The following GMDS variants were observed in gnomAD, a reference collection of about 807,000 sequenced individuals.
GMDS encodes the protein GDP-mannose 4,6-dehydratase, also known as GDP-mannose 4,6 dehydratase.
A neutral mutation model predicts 49.9 loss-of-function variants in GMDS; 20 were observed. That is an observed-to-expected ratio of 0.40 (90% CI 0.28 to 0.58). The LOEUF (loss-of-function observed/expected upper bound fraction) is 0.58, where lower values mean the gene tolerates loss of function less well. Among genes scored for constraint, GMDS ranks in the 20% least tolerant of loss-of-function variants. GMDS has a pLI of 0.42. For missense variants in GMDS, 362 were observed against 481.4 expected (o/e 0.75, Z 2.32); for synonymous variants, 177 against 178.6 (o/e 0.99, Z 0.07).
chr6:1,644,803 T>A (rs1295506664), intron 9 of GMDS, among the ~76,000 whole-genome samples: 1 of 152,192 alleles, frequency 6.6e-6, no homozygotes, highest in African/African-American at 2.4e-5. Flanking sequence ...CTCTGACAGC[T>A]TTGGCTCTCA....
intron 7 of GMDS, among the ~76,000 whole-genome samples, chr6:1,857,004 CAT>C (rs1308169792): frequency 6.6e-6 from 1 of 152,198 alleles, no homozygotes; most frequent in Non-Finnish European, 1.5e-5. Flanking sequence ...TCCCAGAATG[CAT>C]AGAGTTGTCC....
chr6:2,104,946 GC>G (rs1160627816), intron 4 of GMDS, among the ~76,000 whole-genome samples: 3 of 151,988 alleles, frequency 2.0e-5, no homozygotes, highest in Non-Finnish European at 4.4e-5. Flanking sequence ...ACTTTGGGAG[GC>G]TGAGGCGGGC....
At chr6:1,968,401 C>G (rs1764384690) in intron 4 of GMDS, among the ~76,000 whole-genome samples, 1 of 152,198 alleles carries the variant, frequency 6.6e-6, no homozygotes, top group Non-Finnish European at 1.5e-5. Flanking sequence ...CACATTGTGA[C>G]TCTTTTTCCA....
intron 7 of GMDS, among the ~76,000 whole-genome samples, chr6:1,928,242 G>A (rs571653729): frequency 1.3e-5 from 2 of 152,158 alleles, no homozygotes; most frequent in African/African-American, 2.4e-5. Flanking sequence ...GTACGCGCCT[G>A]TAGTCCCAGC....
At chr6:1,915,428 A>G (rs1462538889) in intron 7 of GMDS, among the ~76,000 whole-genome samples, 2 of 152,220 alleles carry the variant, frequency 1.3e-5, no homozygotes, top group Non-Finnish European at 2.9e-5. Flanking sequence ...CAGGACTCCA[A>G]GGGCAAGCAG....
At chr6:1,876,690 T>G (rs1318078538) in intron 7 of GMDS, among the ~76,000 whole-genome samples, 8 of 152,232 alleles carry the variant, frequency 5.3e-5, no homozygotes, top group Non-Finnish European at 8.8e-5. Flanking sequence ...TTCTGGAAAC[T>G]CAATATAAAT....
chr6:2,030,683 CAG>C (rs1048024150), intron 4 of GMDS, among the ~76,000 whole-genome samples: 4 of 152,088 alleles, frequency 2.6e-5, no homozygotes, highest in Non-Finnish European at 5.9e-5. Context: ...GTGAAGGTAA[CAG>C]ATTTTTTTTA....
At chr6:1,877,082 C>T (rs1170938205) in intron 7 of GMDS, among the ~76,000 whole-genome samples, 1 of 152,070 alleles carries the variant, frequency 6.6e-6, no homozygotes, top group East Asian at 1.9e-4. Context: ...GGAAATCTGC[C>T]TGCTGGGGCT....
At chr6:1,643,039 G>A (rs561297325) in intron 9 of GMDS, among the ~76,000 whole-genome samples, 1 of 152,334 alleles carries the variant, frequency 6.6e-6, no homozygotes, top group South Asian at 2.1e-4. Context: ...GCATCCTGCA[G>A]AGCCGGTCCA....
intron 4 of GMDS, among the ~76,000 whole-genome samples, chr6:2,033,719 A>G (rs1459662061): frequency 1.3e-5 from 2 of 152,234 alleles, no homozygotes; most frequent in African/African-American, 4.8e-5. Context: ...CTAACAGTAC[A>G]GATGAGTCGT....
At chr6:2,117,054 C>T (rs1443000003) in intron 3 of GMDS, among the ~76,000 whole-genome samples, 1 of 152,120 alleles carries the variant, frequency 6.6e-6, no homozygotes, top group Non-Finnish European at 1.5e-5. Flanking sequence ...TTTATTTGGG[C>T]CTATCTTCAC....
intron 7 of GMDS, among the ~76,000 whole-genome samples, chr6:1,916,348 C>T (rs1761396751): frequency 6.6e-6 from 1 of 151,984 alleles, no homozygotes; most frequent in Non-Finnish European, 1.5e-5. Context: ...GGGTGGGGGG[C>T]TGTTCATACT....
chr6:2,000,642 T>C (rs537192362), intron 4 of GMDS, among the ~76,000 whole-genome samples: 1 of 152,304 alleles, frequency 6.6e-6, no homozygotes, highest in South Asian at 2.1e-4. Context: ...ATCTCACTTG[T>C]GTATGAAGTC....
At chr6:2,078,383 C>T (rs1284350713) in intron 4 of GMDS, among the ~76,000 whole-genome samples, 6 of 151,876 alleles carry the variant, frequency 4.0e-5, no homozygotes, top group Non-Finnish European at 5.9e-5. Context: ...TTAAACTCTA[C>T]TGTTTTGATG....
chr6:1,762,516 C>T lies in GMDS; in HGVS notation c.772-19930G>A, dbSNP rs549098143. Among the ~76,000 whole-genome samples the T allele has an allele frequency of 2.0e-5, 3 of 152,302 alleles. No homozygotes were observed. The South Asian group carries it at 6.2e-4, about 32-fold the overall frequency. ...GCTTGTAGACATATAAGTTAATCAG[C>T]TATGAAATAACCACCACAATGTACT... is the stretch of plus-strand genomic sequence containing the variant. On this transcript the variant is annotated intron_variant, in intron 7 of 10. Coordinates refer to ENST00000380815, the MANE Select transcript of GMDS (RefSeq NM_001500.4).
intron 1 of GMDS, among the ~76,000 whole-genome samples, chr6:2,214,173 T>C (rs904955679): frequency 6.6e-6 from 1 of 152,190 alleles, no homozygotes; most frequent in Admixed American, 6.5e-5. Context: ...CAATATTTCA[T>C]TCCATGAATT....
intron 7 of GMDS, among the ~76,000 whole-genome samples, chr6:1,878,043 G>A (rs554276753): frequency 1.1e-4 from 16 of 152,252 alleles, no homozygotes; most frequent in Admixed American, 7.2e-4. Flanking sequence ...GCTGGGCGCG[G>A]TGGCTCACGC....
intron 4 of GMDS, among the ~76,000 whole-genome samples, chr6:2,056,207 T>C (rs1378195222): frequency 6.6e-6 from 1 of 152,154 alleles, no homozygotes; most frequent in Non-Finnish European, 1.5e-5. Flanking sequence ...CCTTCAATTA[T>C]CACAAATTAA....
intron 7 of GMDS, among the ~76,000 whole-genome samples, chr6:1,792,208 A>C (rs768132960): frequency 2.2e-4 from 33 of 151,568 alleles, no homozygotes; most frequent in Admixed American, 1.6e-3. Flanking sequence ...TTTCTTTAAA[A>C]ACCCATCCCC....
Sources: allele counts gnomAD v4.1 joint callset (sites outside exome capture counted in the v4.1 genomes callset), GRCh38; gene constraint gnomAD v4.1.1; transcripts MANE v1.5; gene names NCBI Gene and HGNC (gene_info 2026-07-23, HGNC 2026-07-21).